RANBP2: variants seen among roughly 807,000 people sequenced by gnomAD.
RANBP2 encodes E3 SUMO-protein ligase RanBP2.
A neutral mutation model predicts 303.6 loss-of-function variants in RANBP2; 57 were observed. That is an observed-to-expected ratio of 0.19 (90% CI 0.15 to 0.23). The LOEUF (loss-of-function observed/expected upper bound fraction) is 0.23, where lower values mean the gene tolerates loss of function less well. RANBP2 is among the 10% of genes least tolerant of loss of function. The pLI is 1.00. For missense variants in RANBP2, 3,138 were observed against 3,780.8 expected (o/e 0.83, Z 4.46); for synonymous variants, 1,167 against 1,301.5 (o/e 0.90, Z 2.23).
the RANBP2 span, among the ~76,000 whole-genome samples, chr2:108,815,473 T>G: frequency 7.2e-6 from 1 of 138,240 alleles, no homozygotes; most frequent in East Asian, 2.1e-4. Flanking sequence ...TTTTTTTTTT[T>G]TTTTTTTTTT....
chr2:109,117,374 A>C, the RANBP2 span, among the ~76,000 whole-genome samples: 2 of 152,280 alleles, frequency 1.3e-5, no homozygotes, highest in South Asian at 4.2e-4. Context: ...GCCGCCTTGC[A>C]GTTTGATCTC....
chr2:109,013,648 C>T, the RANBP2 span, among the ~76,000 whole-genome samples: 1 of 150,428 alleles, frequency 6.6e-6, no homozygotes, highest in Non-Finnish European at 1.5e-5. Context: ...GGGGTGATCT[C>T]GGCTCACTGG....
At chr2:109,118,186 C>CAA in the RANBP2 span, among the ~76,000 whole-genome samples, 1 of 152,102 alleles carries the variant, frequency 6.6e-6, no homozygotes, top group Non-Finnish European at 1.5e-5. Flanking sequence ...GATGCATGAG[C>CAA]AAAATAAACA....
chr2:109,054,435 G>A, the RANBP2 span, among the ~76,000 whole-genome samples: 4 of 152,112 alleles, frequency 2.6e-5, no homozygotes, highest in African/African-American at 4.8e-5. Flanking sequence ...GGCTGGGCGC[G>A]GTGGCTCACG....
chr2:109,021,368 A>G, the RANBP2 span, among the ~76,000 whole-genome samples: 2 of 151,890 alleles, frequency 1.3e-5, no homozygotes, highest in African/African-American at 4.8e-5. Context: ...CTAAACATAC[A>G]AAAAAGTAGC....
the RANBP2 span, among the ~76,000 whole-genome samples, chr2:109,311,785 C>CT: frequency 0.31 from 47,435 of 152,092 alleles, 9,169 homozygotes; most frequent in African/African-American, 0.55. Context: ...CATATCAAGG[C>CT]TACCCATATG....
the RANBP2 span, among the ~76,000 whole-genome samples, chr2:108,911,349 C>T: frequency 6.6e-6 from 1 of 152,186 alleles, no homozygotes; most frequent in African/African-American, 2.4e-5. Context: ...GCTCTTGCTT[C>T]TACTGCTTTG....
At chr2:109,018,382 G>A in the RANBP2 span, among the ~76,000 whole-genome samples, 6 of 151,240 alleles carry the variant, frequency 4.0e-5, no homozygotes, top group Admixed American at 1.3e-4. Context: ...CTAGCCAGGC[G>A]CCAGCGTGCA....
In RANBP2 at chr2:108,764,131, C is replaced by T. The variant is rs771155432; in HGVS notation, c.3592C>T (p.Arg1198Cys). 1.2e-6 allele frequency: 2 copies of T among 1,613,966 alleles called. No homozygotes were observed. Among genetic ancestry groups the T allele is most frequent in the South Asian group, 1.1e-5 (1 of 91,074 alleles). ...AGATGAAGAAGAATTCTTTTGCAAC[C>T]GCGCGAAATTGTTTCGTTTCGATGT... ...EEDEEEFFCN[R>C]AKLFRFDVES... The change falls in exon 20 of 29, where the codon CGC becomes TGC. Residue 1198 changes from arginine to cysteine, a missense_variant. Transcript: ENST00000283195.
chr2:109,054,136 C>T, the RANBP2 span, among the ~76,000 whole-genome samples: 65 of 152,272 alleles, frequency 4.3e-4, no homozygotes, highest in African/African-American at 1.5e-3. Flanking sequence ...CAAGTCAGTC[C>T]CTGCTCCCAT....
At chr2:109,678,433 C>T in the RANBP2 span, among the ~76,000 whole-genome samples, 6 of 152,182 alleles carry the variant, frequency 3.9e-5, no homozygotes, top group Non-Finnish European at 7.3e-5. Context: ...CCACACCCCT[C>T]CTGCATGCTG....
chr2:109,287,247 G>A, the RANBP2 span, among the ~76,000 whole-genome samples: 1 of 152,124 alleles, frequency 6.6e-6, no homozygotes, highest in Non-Finnish European at 1.5e-5. Flanking sequence ...CTAGCGAATG[G>A]CCCCTTGGTC....
the RANBP2 span, among the ~76,000 whole-genome samples, chr2:109,267,790 G>C: frequency 3.9e-5 from 6 of 152,156 alleles, no homozygotes; most frequent in Admixed American, 2.0e-4. Flanking sequence ...GAGCGAGGCC[G>C]AGTCAAGCCC....
the RANBP2 span, among the ~76,000 whole-genome samples, chr2:109,179,878 T>C: frequency 4.2e-4 from 64 of 152,284 alleles, no homozygotes; most frequent in Non-Finnish European, 2.9e-5. Context: ...AAGTGCTCCT[T>C]ATCGCAGGAA....
the RANBP2 span, among the ~76,000 whole-genome samples, chr2:109,027,341 T>A: frequency 6.6e-6 from 1 of 150,468 alleles, no homozygotes; most frequent in East Asian, 2.0e-4. Flanking sequence ...ATTGCAGAGG[T>A]CTCCTGGGCC....
At chr2:108,833,787 G>A in the RANBP2 span, among the ~76,000 whole-genome samples, 2 of 149,452 alleles carry the variant, frequency 1.3e-5, no homozygotes, top group South Asian at 4.2e-4. Flanking sequence ...GAGTGCAGTG[G>A]CGTGATCTCG....
the RANBP2 span, among the ~76,000 whole-genome samples, chr2:109,510,807 C>T: frequency 4.1e-4 from 62 of 152,236 alleles, 1 homozygote; most frequent in Non-Finnish European, 8.1e-4. Context: ...GTGACTGCAA[C>T]AAAAGCAAGA....
the RANBP2 span, among the ~76,000 whole-genome samples, chr2:109,588,563 G>A: frequency 6.6e-6 from 1 of 151,972 alleles, no homozygotes; most frequent in Non-Finnish European, 1.5e-5. Flanking sequence ...GTATGATCTT[G>A]GCTCACTGCA....
the RANBP2 span, among the ~76,000 whole-genome samples, chr2:109,401,244 T>C: frequency 6.6e-6 from 1 of 152,240 alleles, no homozygotes; most frequent in Non-Finnish European, 1.5e-5. Context: ...TGAGCAACTG[T>C]TGGCGATGTG....
Sources: gnomAD v4.1 joint callset for allele counts (sites outside exome capture counted in the v4.1 genomes callset) on GRCh38, gnomAD v4.1.1 for gene constraint, MANE v1.5 for transcripts, NCBI Gene and HGNC (gene_info 2026-07-23, HGNC 2026-07-21) for gene names.